The following KCNQ1 variants were observed in gnomAD, a reference collection of about 807,000 sequenced individuals.
KCNQ1 encodes the protein potassium voltage-gated channel subfamily KQT member 1.
KCNQ1 carries 49 observed loss-of-function variants against 72.4 expected under a neutral mutation model. The ratio of observed to expected loss-of-function variants is 0.68; its 90% CI spans 0.54 to 0.86. KCNQ1 has a LOEUF of 0.86. Among genes scored for constraint, KCNQ1 ranks in the 40% least tolerant of loss-of-function variants. The pLI is 0.00. For synonymous variants in KCNQ1, 450 were observed against 412.6 expected, an observed-to-expected ratio of 1.09 and a Z score of -1.10; for missense variants, 790 against 945.1, an observed-to-expected ratio of 0.84 and a Z score of 2.15.
At chr11:2,837,183 A>G (rs1848085281) in intron 15 of KCNQ1, among the ~76,000 whole-genome samples, 2 of 152,156 alleles carry the variant, frequency 1.3e-5, no homozygotes, top group Non-Finnish European at 2.9e-5. Context: ...CACCGTCTTG[A>G]GCCAGCAGGG....
Position 2,445,164 on chromosome 11 carries a change from C to A in KCNQ1, c.66C>A (p.Gly22=), listed in dbSNP as rs886048162. 1 of 1,136,312 alleles carries A rather than the reference C, an allele frequency of 8.8e-7. No individual in the cohort carries two copies. 70.4% of individuals were successfully genotyped at this position (1,136,312 alleles called of 1,614,324 possible). A position where few individuals can be genotyped will look rare whatever the true frequency, so the allele number is the denominator to read the frequency against. The change falls in exon 1 of 16, where the codon GGC becomes GGA. Residue 22 remains glycine, a synonymous_variant. Transcript: ENST00000155840. ...GCTGGGGTTGGGGCCGCCTGCCAGGCGCCCGGCGGGGCAGCGCGGGCCTGG... is the reference window on the plus strand; with the variant it reads ...GCTGGGGTTGGGGCCGCCTGCCAGGAGCCCGGCGGGGCAGCGCGGGCCTGG... ...RKRWGWGRLP[G]ARRGSAGLAK...
At position 2,617,189 on chromosome 11, in the gene KCNQ1, C is replaced by T. The variant is rs1849081582; in HGVS notation, c.1393+28335C>T. 2.5e-6 allele frequency: 1 copy of T among 398,144 alleles called. No homozygotes were observed. The highest frequency in any genetic ancestry group is 1.3e-4 in the South Asian group (1 of 7,852). The allele number at this position is 398,144 out of a possible 1,614,324, so 24.7% of individuals were successfully genotyped here. On this transcript the variant is annotated intron_variant, in intron 10 of 15. Transcript: ENST00000155840. This position sits in a 1 kb window ranked among gnomAD's most constrained non-coding sequence, Gnocchi z 4.6. ...CTCTAGACTTGTTCATCCTATATATCTGCTACTTGGTATCCTTTGACCTAC... is the reference window on the plus strand; with the variant it reads ...CTCTAGACTTGTTCATCCTATATATTTGCTACTTGGTATCCTTTGACCTAC...
rs1206424240 is a variant in KCNQ1 at position 2,488,384 on chromosome 11, C to T, written c.387-39544C>T. On this transcript the variant is annotated intron_variant, in intron 1 of 15. Coordinates refer to ENST00000155840, the MANE Select transcript of KCNQ1 (RefSeq NM_000218.3). The surrounding 1 kb of genome is among the most constrained non-coding windows in gnomAD (Gnocchi z 5.1). Reference sequence around the variant, plus strand: ...CTCTCCTCATAGAATGAGTTAGAAACCTTTCCCCTCCTCTTTAATTTTTTG... The same window carrying T: ...CTCTCCTCATAGAATGAGTTAGAAATCTTTCCCCTCCTCTTTAATTTTTTG... Among the ~76,000 whole-genome samples, 1 of 152,118 alleles carries T rather than the reference C, an allele frequency of 6.6e-6. No individual in the cohort carries two copies. Among genetic ancestry groups the T allele is most frequent in the African/African-American group, 2.4e-5 (1 of 41,418 alleles).
chr11:2,566,356 C>T lies in KCNQ1; in HGVS notation c.478-4272C>T, dbSNP rs1417569164. ...GGCCTCACCTGCCAGTGTCCTCTCCCACACCCGAGGACACCTGTACCTTGT... is the reference window on the plus strand; with the variant it reads ...GGCCTCACCTGCCAGTGTCCTCTCCTACACCCGAGGACACCTGTACCTTGT... On this transcript the variant is annotated intron_variant, in intron 2 of 15. Coordinates refer to ENST00000155840, the MANE Select transcript of KCNQ1 (RefSeq NM_000218.3). This position sits in a 1 kb window ranked among gnomAD's most constrained non-coding sequence, Gnocchi z 6.7. 6.6e-6 allele frequency among the ~76,000 whole-genome samples: 1 copy of T among 152,216 alleles called. No homozygotes were observed. Among genetic ancestry groups the T allele is most frequent in the Admixed American group, 6.5e-5 (1 of 15,288 alleles).
At chr11:2,672,594 A>G (rs1271005455) in intron 11 of KCNQ1, 4 of 398,584 alleles carry the variant, frequency 1.0e-5, no homozygotes, top group African/African-American at 2.1e-5. Flanking sequence ...TGATTGGGAA[A>G]GCATCCCTGT....
At chr11:2,688,568 A>G (rs1416547228) in intron 11 of KCNQ1, 1 of 398,704 alleles carries the variant, frequency 2.5e-6, no homozygotes, top group East Asian at 3.6e-5. Flanking sequence ...CCACAGCCTC[A>G]TAGCAGCCAG....
intron 10 of KCNQ1, chr11:2,629,821 T>A: frequency 2.5e-6 from 1 of 397,896 alleles, no homozygotes. Flanking sequence ...AACAGGTTTT[T>A]TTTGTGGAGT....
intron 10 of KCNQ1, chr11:2,648,981 C>CTTTTTTTTTTTTTTTTTTTTTTTATTTT: frequency 4.7e-6 from 1 of 213,306 alleles, no homozygotes; most frequent in Non-Finnish European, 7.8e-6. Context: ...TTTTCTTTTT[C>CTTTTTTTTTTTTTTTTTTTTTTTATTTT]TTTTTTTTTT....
chr11:2,473,631 A>G lies in KCNQ1; in HGVS notation c.386+28147A>G, dbSNP rs186470794. On this transcript the variant is annotated intron_variant, in intron 1 of 15. Transcript: ENST00000155840. This position sits in a 1 kb window ranked among gnomAD's most constrained non-coding sequence, Gnocchi z 6.0. ...GTGCGGCCGGCATCATCCTCAGGGA[A>G]CTCTGGAGGGACTGGGCCTCAGTTG... 1.3e-5 allele frequency among the ~76,000 whole-genome samples: 2 copies of G among 152,224 alleles called. No homozygotes were observed. The highest frequency in any genetic ancestry group is 2.1e-4 in the South Asian group (1 of 4,826).
chr11:2,514,788 T>C (rs749828097), intron 1 of KCNQ1, among the ~76,000 whole-genome samples: 1 of 152,208 alleles, frequency 6.6e-6, no homozygotes, highest in Non-Finnish European at 1.5e-5. Context: ...ATTGCGCCAC[T>C]GCACTCCAGC....
In KCNQ1 at chr11:2,813,537, C is replaced by T. The variant is rs1041877955; in HGVS notation, c.1795-34230C>T. Among the ~76,000 whole-genome samples, 3 of 152,128 alleles carry T rather than the reference C, an allele frequency of 2.0e-5. No individual in the cohort carries two copies. The highest frequency in any genetic ancestry group is 3.9e-4 in the East Asian group (2 of 5,164). On this transcript the variant is annotated intron_variant, in intron 15 of 15. Coordinates refer to ENST00000155840, the MANE Select transcript of KCNQ1 (RefSeq NM_000218.3). The surrounding 1 kb of genome is among the most constrained non-coding windows in gnomAD (Gnocchi z 4.4). Reference sequence around the variant, plus strand: ...CACCTCCAGCCCCTGTCTCTATGGTCCCCTCCTTGATCTGGAGCCATTCAG... The same window carrying T: ...CACCTCCAGCCCCTGTCTCTATGGTTCCCTCCTTGATCTGGAGCCATTCAG...
At chr11:2,496,158 C>G (rs572515862) in intron 1 of KCNQ1, among the ~76,000 whole-genome samples, 2 of 151,956 alleles carry the variant, frequency 1.3e-5, no homozygotes, top group African/African-American at 4.8e-5. Flanking sequence ...GGATCTTGGC[C>G]GGGTGCAGTG....
chr11:2,613,200 A>G lies in KCNQ1; in HGVS notation c.1393+24346A>G. ...CAGGCACTTTATAACTCTGTCCTGT[A>G]TTTTACTGTCTGCTTGCAAAAGGTC... On this transcript the variant is annotated intron_variant, in intron 10 of 15. Coordinates refer to ENST00000155840, the MANE Select transcript of KCNQ1 (RefSeq NM_000218.3). The surrounding 1 kb of genome is among the most constrained non-coding windows in gnomAD (Gnocchi z 4.8). 2.5e-6 allele frequency: 1 copy of G among 398,546 alleles called. No individual in the cohort carries two copies. Among genetic ancestry groups the G allele is most frequent in the East Asian group, 3.6e-5 (1 of 28,070 alleles). 24.7% of individuals were successfully genotyped at this position (398,546 alleles called of 1,614,324 possible). A position where few individuals can be genotyped will look rare whatever the true frequency, so the allele number is the denominator to read the frequency against.
rs555968887 is a variant in KCNQ1 at position 2,587,605 on chromosome 11, C to T, written c.1164C>T (p.Asp388=). The change falls in exon 9 of 16, where the codon GAC becomes GAT. Residue 388 remains aspartate, a synonymous_variant. Coordinates refer to ENST00000155840, the MANE Select transcript of KCNQ1 (RefSeq NM_000218.3). ...AWRCYAAENP[D]SSTWKIYIRK... Reference sequence around the variant, plus strand: ...GGTGCTATGCTGCCGAGAACCCCGACTCCTCCACCTGGAAGATCTACATCC... The same window carrying T: ...GGTGCTATGCTGCCGAGAACCCCGATTCCTCCACCTGGAAGATCTACATCC... The T allele has an allele frequency of 5.6e-6, 9 of 1,613,912 alleles. No homozygotes were observed. The highest frequency in any genetic ancestry group is 1.6e-4 in the Middle Eastern group (1 of 6,062).
At position 2,657,624 on chromosome 11, in the gene KCNQ1, TTA is replaced by T. The variant is rs1849873023; in HGVS notation, c.1394-4336_1394-4335del. On this transcript the variant is annotated intron_variant, in intron 10 of 15. Coordinates refer to ENST00000155840, the MANE Select transcript of KCNQ1 (RefSeq NM_000218.3). The surrounding 1 kb of genome is among the most constrained non-coding windows in gnomAD (Gnocchi z 4.8). ...CTAAAAAATTAACATTGGTACACTA[TTA>T]AGCTAGAGTTATAAATTTATTTGGA... 2.5e-6 allele frequency: 1 copy of T among 398,636 alleles called. No homozygotes were observed. Among genetic ancestry groups the T allele is most frequent in the East Asian group, 3.6e-5 (1 of 28,076 alleles). The allele number at this position is 398,636 out of a possible 1,614,324, so 24.7% of individuals were successfully genotyped here.
intron 6 of KCNQ1, among the ~76,000 whole-genome samples, chr11:2,574,320 G>A (rs1848387377): frequency 6.6e-6 from 1 of 152,186 alleles, no homozygotes; most frequent in Admixed American, 6.5e-5. Flanking sequence ...CCCCGCGTCT[G>A]CCCTTGTCTA....
intron 11 of KCNQ1, chr11:2,680,820 A>G: frequency 2.5e-6 from 1 of 398,514 alleles, no homozygotes; most frequent in Non-Finnish European, 4.4e-6. Context: ...CCACATAGCA[A>G]ATCACCTTTT....
intron 1 of KCNQ1, among the ~76,000 whole-genome samples, chr11:2,518,595 C>T (rs1399701207): frequency 6.6e-6 from 1 of 152,170 alleles, no homozygotes; most frequent in Non-Finnish European, 1.5e-5. Flanking sequence ...TGGGGACAGC[C>T]TTGGTCCTGC....
Position 2,478,733 on chromosome 11 carries a change from C to A in KCNQ1, c.386+33249C>A, listed in dbSNP as rs1302961939. Among the ~76,000 whole-genome samples the A allele has an allele frequency of 6.6e-6, 1 of 152,184 alleles. No individual in the cohort carries two copies. The highest frequency in any genetic ancestry group is 1.5e-5 in the Non-Finnish European group (1 of 68,038). On this transcript the variant is annotated intron_variant, in intron 1 of 15. Transcript: ENST00000155840. The surrounding 1 kb of genome is among the most constrained non-coding windows in gnomAD (Gnocchi z 4.0). ...GCCCCTCCCTAATCTCATGTCCTCACATTTCAAAACCAATCATGCCTTCCC... is the reference window on the plus strand; with the variant it reads ...GCCCCTCCCTAATCTCATGTCCTCAAATTTCAAAACCAATCATGCCTTCCC...
Sources: allele counts gnomAD v4.1 joint callset (sites outside exome capture counted in the v4.1 genomes callset), GRCh38; gene constraint gnomAD v4.1.1; non-coding constraint Gnocchi (gnomAD v3.1); transcripts MANE v1.5; gene names NCBI Gene and HGNC (gene_info 2026-07-23, HGNC 2026-07-21).